The following RALYL variants were observed in gnomAD, a reference collection of about 807,000 sequenced individuals.
The protein encoded by RALYL is RALY RNA binding protein like, also known as RNA-binding Raly-like protein.
In RALYL, 29 loss-of-function variants were observed where a neutral mutation model predicts 35.1. The observed-to-expected ratio is 0.83, with a 90% CI of 0.61 to 1.13. The LOEUF is 1.13. Ranked by LOEUF, RALYL falls within the 50% of genes most tolerant of loss-of-function variation. The probability of loss-of-function intolerance (pLI) is 0.00; values close to 1 mark genes in which losing one functional copy is unlikely to be tolerated. For missense variants in RALYL, 359 were observed against 360.4 expected (o/e 1.00, Z 0.03); for synonymous variants, 120 against 127.6 (o/e 0.94, Z 0.40).
At chr8:84,908,244 C>T (rs185840040) in intron 8 of RALYL, among the ~76,000 whole-genome samples, 18 of 152,192 alleles carry the variant, frequency 1.2e-4, no homozygotes, top group Non-Finnish European at 2.1e-4. Context: ...TTAGCAATTT[C>T]GAAATATACA....
chr8:84,288,474 A>G (rs1838108045), intron 1 of RALYL, among the ~76,000 whole-genome samples: 1 of 152,216 alleles, frequency 6.6e-6, no homozygotes, highest in Non-Finnish European at 1.5e-5. Context: ...AAGTAGTTGC[A>G]GAACATCACA....
chr8:84,592,749 T>C (rs1300514563), intron 2 of RALYL, among the ~76,000 whole-genome samples: 2 of 152,104 alleles, frequency 1.3e-5, no homozygotes, highest in East Asian at 1.9e-4. Flanking sequence ...GCACAAAGCA[T>C]AAAAATGAAA....
chr8:84,431,710 T>C lies in RALYL; in HGVS notation c.-23-97589T>C, dbSNP rs183296986. ...TAATGTCCTCCAGGTTCATTCATGG[T>C]GAGGCAAATGGCAGGATTTCCTTTT... On this transcript the variant is annotated intron_variant, in intron 1 of 8. Transcript: ENST00000521268. Among the ~76,000 whole-genome samples, 227 of 152,272 alleles carry C rather than the reference T, an allele frequency of 1.5e-3. 2 individuals are homozygous for C. The highest frequency in any genetic ancestry group is 4.5e-3 in the African/African-American group (185 of 41,556).
At chr8:84,471,508 G>A (rs1703109005) in intron 1 of RALYL, among the ~76,000 whole-genome samples, 1 of 151,828 alleles carries the variant, frequency 6.6e-6, no homozygotes, top group African/African-American at 2.4e-5. Context: ...GTGAGAAGAT[G>A]GCTTGAGCCC....
chr8:84,756,600 C>G (rs1811464526), intron 2 of RALYL, among the ~76,000 whole-genome samples: 1 of 152,090 alleles, frequency 6.6e-6, no homozygotes, highest in African/African-American at 2.4e-5. Context: ...GGGCTGTTAA[C>G]ATAATAATTT....
At chr8:84,675,434 G>T (rs1382694626) in intron 2 of RALYL, among the ~76,000 whole-genome samples, 1 of 152,038 alleles carries the variant, frequency 6.6e-6, no homozygotes, top group African/African-American at 2.4e-5. Flanking sequence ...TAGGCGAACT[G>T]AATGGAATAG....
At chr8:84,307,598 A>G in intron 1 of RALYL, among the ~76,000 whole-genome samples, 1 of 152,210 alleles carries the variant, frequency 6.6e-6, no homozygotes, top group East Asian at 1.9e-4. Flanking sequence ...AATTTACTCA[A>G]GGCCAGAAGG....
intron 1 of RALYL, among the ~76,000 whole-genome samples, chr8:84,409,688 G>T (rs915927862): frequency 3.3e-5 from 5 of 151,888 alleles, no homozygotes; most frequent in Non-Finnish European, 7.4e-5. Context: ...CTCTTGTACT[G>T]GACCAAAGAT....
chr8:84,580,345 C>T (rs1030169147), intron 2 of RALYL, among the ~76,000 whole-genome samples: 4 of 152,192 alleles, frequency 2.6e-5, no homozygotes, highest in Non-Finnish European at 1.5e-5. Context: ...GCTTACAGTT[C>T]AGCAGGCTGT....
chr8:84,256,977 A>G (rs1411226556), intron 1 of RALYL, among the ~76,000 whole-genome samples: 3 of 152,042 alleles, frequency 2.0e-5, no homozygotes, highest in Non-Finnish European at 4.4e-5. Context: ...GCAGATATTT[A>G]TTATATTGGT....
chr8:84,497,664 G>T, intron 1 of RALYL, among the ~76,000 whole-genome samples: 1 of 123,034 alleles, frequency 8.1e-6, no homozygotes, highest in Non-Finnish European at 1.6e-5. Flanking sequence ...TTTTTTGAGA[G>T]ACAGTCTCAC....
At chr8:84,403,525 T>TTG (rs2043143288) in intron 1 of RALYL, among the ~76,000 whole-genome samples, 1 of 46,320 alleles carries the variant, frequency 2.2e-5, no homozygotes. Flanking sequence ...TATATCTCTG[T>TTG]TTTTTTTTTT....
intron 1 of RALYL, among the ~76,000 whole-genome samples, chr8:84,430,799 G>T (rs1438292799): frequency 2.6e-5 from 4 of 151,848 alleles, no homozygotes; most frequent in Non-Finnish European, 2.9e-5. Flanking sequence ...AGCAGATTAT[G>T]GTGGTAAGGA....
At chr8:84,191,785 CAATT>C (rs898732424) in intron 1 of RALYL, among the ~76,000 whole-genome samples, 141 of 152,128 alleles carry the variant, frequency 9.3e-4, no homozygotes, top group African/African-American at 2.2e-3. Context: ...AGAAAAATGA[CAATT>C]AATAATTAAA....
At chr8:84,876,611 G>C (rs562755917) in intron 7 of RALYL, among the ~76,000 whole-genome samples, 13 of 152,292 alleles carry the variant, frequency 8.5e-5, no homozygotes, top group African/African-American at 3.1e-4. Context: ...GTTACTCCAT[G>C]GGTAACTACA....
intron 1 of RALYL, among the ~76,000 whole-genome samples, chr8:84,433,652 TGC>T (rs1234594472): frequency 6.6e-6 from 1 of 152,058 alleles, no homozygotes; most frequent in Non-Finnish European, 1.5e-5. Flanking sequence ...TTTCCCTTGC[TGC>T]CACCATGTAA....
chr8:84,471,753 G>A (rs1294099996), intron 1 of RALYL, among the ~76,000 whole-genome samples: 4 of 152,096 alleles, frequency 2.6e-5, no homozygotes, highest in African/African-American at 9.7e-5. Flanking sequence ...TAAACATTGG[G>A]TATGTCATGT....
At chr8:84,258,784 C>G (rs1325993384) in intron 1 of RALYL, among the ~76,000 whole-genome samples, 1 of 152,078 alleles carries the variant, frequency 6.6e-6, no homozygotes, top group East Asian at 1.9e-4. Flanking sequence ...CCCACAGTCA[C>G]TTTTTAACAT....
chr8:84,729,782 A>G (rs1377506284), intron 2 of RALYL, among the ~76,000 whole-genome samples: 1 of 152,182 alleles, frequency 6.6e-6, no homozygotes, highest in African/African-American at 2.4e-5. Context: ...TAGAAAATCT[A>G]GAAGAAATGG....
Sources: gnomAD v4.1 joint callset for allele counts (sites outside exome capture counted in the v4.1 genomes callset) on GRCh38, gnomAD v4.1.1 for gene constraint, MANE v1.5 for transcripts, NCBI Gene and HGNC (gene_info 2026-07-23, HGNC 2026-07-21) for gene names.